HERC1: variants seen among roughly 807,000 people sequenced by gnomAD.
HERC1 encodes the protein probable E3 ubiquitin-protein ligase HERC1.
In HERC1, 160 loss-of-function variants were observed where a neutral mutation model predicts 554.3. The observed-to-expected ratio is 0.29, with a 90% CI of 0.25 to 0.33. The LOEUF (loss-of-function observed/expected upper bound fraction) is 0.33, where lower values mean the gene tolerates loss of function less well. HERC1 is among the 10% of genes least tolerant of loss of function. The pLI is 1.00. For synonymous variants in HERC1, 2,175 were observed against 2,131.7 expected (o/e 1.02, Z -0.56); for missense variants, 4,919 against 5,918.5 (o/e 0.83, Z 5.54).
At chr15:63,666,949 C>T (rs1313905029) in intron 40 of HERC1, among the ~76,000 whole-genome samples, 2 of 152,186 alleles carry the variant, frequency 1.3e-5, no homozygotes, top group East Asian at 3.9e-4. Flanking sequence ...GTGCTACATT[C>T]TTCGCATTTT....
chr15:63,725,185 T>C (rs2073990210), intron 18 of HERC1, 107 bp downstream of exon 18: 2 of 934,028 alleles, frequency 2.1e-6, no homozygotes, highest in Non-Finnish European at 1.6e-6. Flanking sequence ...ACTGCTAATG[T>C]TGCAATTGGT....
chr15:63,652,252 A>T (rs1310451901), intron 52 of HERC1, among the ~76,000 whole-genome samples, 162 bp downstream of exon 52: 5 of 152,228 alleles, frequency 3.3e-5, no homozygotes. Flanking sequence ...CTGAATTGTT[A>T]TCCTGGAAAG....
At chr15:63,725,215 A>T in intron 18 of HERC1, 77 bp downstream of exon 18, 1 of 1,268,284 alleles carries the variant, frequency 7.9e-7, no homozygotes, top group Non-Finnish European at 1.1e-6. Context: ...TTCTCTATTT[A>T]GCAAATCAGA....
chr15:63,634,861 C>T lies in HERC1; in HGVS notation c.12442G>A (p.Val4148Met), dbSNP rs2068711881. The stretch of plus-strand genomic sequence containing the variant: ...AACAGTTTGCCATCTGAAGTGACCA[C>T]TGCTGAGTGCTTGAAGCCACAAGAC... ...QMSCGFKHSA[V>M]VTSDGKLFTF... is the part of the protein sequence containing the mutation. The change falls in exon 66 of 78, where the codon GTG (valine) becomes ATG (methionine). Residue 4148 changes from valine to methionine, a missense_variant. This residue lies in a region of HERC1 where 410 missense variants were observed against 467.0 expected (regional missense o/e 0.88). Coordinates refer to ENST00000443617, the MANE Select transcript of HERC1 (RefSeq NM_003922.4). 1.9e-6 allele frequency: 3 copies of T among 1,613,498 alleles called. No homozygotes were observed. The highest frequency in any genetic ancestry group is 2.5e-6 in the Non-Finnish European group (3 of 1,179,732).
rs2068763205 is a variant in HERC1 at position 63,635,993 on chromosome 15, T to C, written c.12382A>G (p.Ile4128Val). The change falls in exon 65 of 78, where the codon ATC becomes GTC. Residue 4128 changes from isoleucine to valine, a missense_variant. Transcript: ENST00000443617. Reference sequence around the variant, plus strand: ...ACTTCTTCTCCTTGTAAGGCCTCGATCTGCCTGGGCCGCCGCTGCCTGTCG... The same window carrying C: ...ACTTCTTCTCCTTGTAAGGCCTCGACCTGCCTGGGCCGCCGCTGCCTGTCG... ...NSDRQRRPRQ[I>V]EALQGEEVVQ... The C allele has an allele frequency of 1.2e-6, 2 of 1,613,860 alleles. No individual in the cohort carries two copies. Among genetic ancestry groups the C allele is most frequent in the South Asian group, 2.2e-5 (2 of 91,084 alleles).
At position 63,688,873 on chromosome 15, in the gene HERC1, C is replaced by A. The variant is rs538275121; in HGVS notation, c.6048+716G>T. On this transcript the variant is annotated intron_variant, in intron 33 of 77. Coordinates refer to ENST00000443617, the MANE Select transcript of HERC1 (RefSeq NM_003922.4). Reference sequence around the variant, plus strand: ...GTGGTGCTTTCAATCAGAAATGGGACAAAAAAAGGGGCTGGGGGAAGGGTT... The same window carrying A: ...GTGGTGCTTTCAATCAGAAATGGGAAAAAAAAAGGGGCTGGGGGAAGGGTT... Among the ~76,000 whole-genome samples the A allele has an allele frequency of 1.8e-4, 27 of 151,110 alleles. No homozygotes were observed. The East Asian group carries it at 5.3e-3, about 30-fold the overall frequency.
chr15:63,745,192 C>T (rs1304398134), intron 12 of HERC1, among the ~76,000 whole-genome samples: 1 of 152,154 alleles, frequency 6.6e-6, no homozygotes, highest in Admixed American at 6.5e-5. Flanking sequence ...CTTGGAGCCA[C>T]GAGCTGTGTA....
chr15:63,694,335 G>A lies in HERC1; in HGVS notation c.5457C>T (p.Leu1819=). Residue 1819 remains leucine, a synonymous_variant, in exon 29 of 78, where the codon CTC becomes CTT. Transcript: ENST00000443617. This position sits in a 1 kb window ranked among gnomAD's most constrained non-coding sequence, Gnocchi z 4.3. The part of the protein sequence containing the change: ...TALKVASTRL[L]QILAITTGTY... ...ACCCAGTAGTGATGGCTAGAATCTGGAGCAACCTTGTACTGGCCACTTTCA... is the reference window on the plus strand; with the variant it reads ...ACCCAGTAGTGATGGCTAGAATCTGAAGCAACCTTGTACTGGCCACTTTCA... The A allele has an allele frequency of 1.9e-6, 3 of 1,613,616 alleles. No individual in the cohort carries two copies. The highest frequency in any genetic ancestry group is 2.5e-6 in the Non-Finnish European group (3 of 1,179,742).
At chr15:63,817,338 A>G (rs2077526000) in intron 1 of HERC1, among the ~76,000 whole-genome samples, 1 of 152,198 alleles carries the variant, frequency 6.6e-6, no homozygotes, top group Admixed American at 6.5e-5. Flanking sequence ...ATGCTATAAA[A>G]AGAGATAGAC....
At chr15:63,655,305 G>A (rs993571828) in intron 50 of HERC1, among the ~76,000 whole-genome samples, 3 of 152,326 alleles carry the variant, frequency 2.0e-5, no homozygotes, top group African/African-American at 7.2e-5. Context: ...ACTGAGCCAA[G>A]ATTGTGCCAC....
intron 1 of HERC1, among the ~76,000 whole-genome samples, chr15:63,832,289 C>G (rs538661726): frequency 2.1e-4 from 32 of 151,928 alleles, no homozygotes; most frequent in African/African-American, 6.0e-4. Context: ...GTGTGTGTGT[C>G]TCTATACATA....
At chr15:63,755,174 A>T (rs1229787970) in intron 6 of HERC1, 55 bp downstream of exon 6, 1 of 1,222,936 alleles carries the variant, frequency 8.2e-7, no homozygotes, top group Non-Finnish European at 1.2e-6. Context: ...CTTCTCAGTA[A>T]CTTAATCATT....
rs762716035 is a variant in HERC1 at position 63,755,337 on chromosome 15, A to G, written c.1534-12T>C. ...ACACAAACAACTACCTGCATTGCAC[A>G]CAAGTAAATACGATGAGTATGCACA... On this transcript the variant is annotated splice_polypyrimidine_tract_variant and intron_variant, in intron 5 of 77. Transcript: ENST00000443617. The G allele has an allele frequency of 1.9e-6, 3 of 1,587,152 alleles. No individual in the cohort carries two copies. The Admixed American group carries it at 5.0e-5, about 26-fold the overall frequency.
chr15:63,627,235 A>T (rs527735799), intron 70 of HERC1, among the ~76,000 whole-genome samples: 35 of 152,230 alleles, frequency 2.3e-4, no homozygotes, highest in Admixed American at 2.2e-3. Flanking sequence ...CAAAATCCCT[A>T]TGGGGAATCT....
intron 56 of HERC1, 22 bp downstream of exon 56, chr15:63,645,461 T>C (rs947680385): frequency 6.3e-7 from 1 of 1,577,410 alleles, no homozygotes; most frequent in Non-Finnish European, 8.6e-7. Context: ...CTAAGACGTA[T>C]AGATGCAAAT....
intron 1 of HERC1, among the ~76,000 whole-genome samples, chr15:63,812,269 C>T (rs1180662679): frequency 4.6e-5 from 7 of 152,214 alleles, no homozygotes; most frequent in Admixed American, 2.0e-4. Flanking sequence ...ACACAACCTT[C>T]CATCTCTTAA....
At chr15:63,650,946 G>T (rs2069643865) in intron 53 of HERC1, among the ~76,000 whole-genome samples, 1 of 152,068 alleles carries the variant, frequency 6.6e-6, no homozygotes, top group Admixed American at 6.6e-5. Flanking sequence ...CAATTCAAAA[G>T]AATACATAGC....
At chr15:63,688,638 G>T (rs952093989) in intron 33 of HERC1, among the ~76,000 whole-genome samples, 2 of 152,044 alleles carry the variant, frequency 1.3e-5, no homozygotes, top group African/African-American at 4.8e-5. Context: ...AGAAGAAGAA[G>T]AACCTATAAA....
chr15:63,831,129 T>C (rs529507585), intron 1 of HERC1, among the ~76,000 whole-genome samples: 8 of 152,298 alleles, frequency 5.3e-5, no homozygotes, highest in South Asian at 2.1e-4. Flanking sequence ...GCTTTTGAGA[T>C]AGAGTCTCAC....
Sources: gnomAD v4.1 joint callset for allele counts (sites outside exome capture counted in the v4.1 genomes callset) on GRCh38, gnomAD v4.1.1 for gene constraint, gnomAD v4.1.1 regional missense constraint, Gnocchi (gnomAD v3.1) non-coding constraint, MANE v1.5 for transcripts, NCBI Gene and HGNC (gene_info 2026-07-23, HGNC 2026-07-21) for gene names.